The following OC90 variants were observed in gnomAD, a reference collection of about 807,000 sequenced individuals.
OC90 encodes otoconin 90, also known as otoconin-90.
Under a neutral mutation model 47.3 loss-of-function variants are expected in OC90, and 46 were observed. The ratio of observed to expected loss-of-function variants is 0.97; its 90% CI spans 0.77 to 1.24. OC90 has a LOEUF of 1.24. OC90 is among the 50% of genes most tolerant of loss of function. The pLI is 0.00. For synonymous variants in OC90, 271 were observed against 219.5 expected (o/e 1.23, Z -2.07); for missense variants, 688 against 583.9 (o/e 1.18, Z -1.84).
intron 12 of OC90, among the ~76,000 whole-genome samples, chr8:132,030,071 A>G (rs1822852254): frequency 6.6e-6 from 1 of 152,306 alleles, no homozygotes; most frequent in East Asian, 1.9e-4. Context: ...GTATGCTCAC[A>G]TAGCCACTGG....
intron 6 of OC90, 75 bp from the exon 7 acceptor site, chr8:132,039,198 T>C: frequency 2.0e-6 from 3 of 1,493,776 alleles, no homozygotes; most frequent in South Asian, 1.2e-5. Flanking sequence ...GCTCCAAGAC[T>C]GAGTTCCTCA....
intron 8 of OC90, 147 bp from the exon 9 acceptor site, chr8:132,037,635 G>A (rs1203973803): frequency 1.4e-6 from 1 of 695,386 alleles, no homozygotes; most frequent in Non-Finnish European, 2.5e-6. Flanking sequence ...TGTTCATCCT[G>A]TCTTAGGAGT....
intron 11 of OC90, 49 bp downstream of exon 11, chr8:132,032,990 T>C: frequency 6.3e-7 from 1 of 1,587,394 alleles, no homozygotes. Context: ...GTTCACAGCC[T>C]CACCAAAAGA....
chr8:132,039,942 C>G (rs1016114113), intron 6 of OC90, among the ~76,000 whole-genome samples: 1 of 152,124 alleles, frequency 6.6e-6, no homozygotes, highest in Admixed American at 6.5e-5. Context: ...CAGCTCTTGT[C>G]CCTCTCTAAC....
At chr8:132,049,968 G>T (rs551458296) in intron 2 of OC90, 4 of 427,156 alleles carry the variant, frequency 9.4e-6, no homozygotes, top group African/African-American at 8.0e-5. Flanking sequence ...TCACCTCTAC[G>T]TGATTCAAAT....
chr8:132,055,098 G>T (rs915447225), intron 1 of OC90, 25 bp from the exon 2 acceptor site: 2 of 1,263,374 alleles, frequency 1.6e-6, no homozygotes, highest in East Asian at 2.5e-5. Flanking sequence ...AGCAGAATAG[G>T]ATGGAAGCAT....
intron 4 of OC90, among the ~76,000 whole-genome samples, chr8:132,042,415 A>T (rs967609402): frequency 3.3e-5 from 5 of 152,122 alleles, no homozygotes; most frequent in Non-Finnish European, 5.9e-5. Flanking sequence ...TAAAGGGTAC[A>T]CAGGCAGGTT....
At position 132,024,579 on chromosome 8, in the gene OC90, T is replaced by C; in HGVS notation, c.1336A>G (p.Ser446Gly). 1.2e-6 allele frequency: 2 copies of C among 1,613,410 alleles called. No homozygotes were observed. Among genetic ancestry groups the C allele is most frequent in the Non-Finnish European group, 1.7e-6 (2 of 1,179,582 alleles). Residue 446 changes from serine (S) to glycine (G), a missense_variant, in exon 14 of 14, where the codon AGC becomes GGC. By Grantham distance (56) the Ser-to-Gly change is moderately conservative. Transcript: ENST00000254627. ...TCCTCCTGTGGAGGGTCCTCCTCGC[T>C]GTCCTCCTCAGAGCTGGAGCCCAGG... The part of the protein sequence containing the change: ...PTLGSSSEED[S>G]EEDPPQEDLG...
intron 12 of OC90, among the ~76,000 whole-genome samples, chr8:132,031,640 T>A (rs1216951752): frequency 1.3e-5 from 2 of 152,206 alleles, no homozygotes; most frequent in East Asian, 1.9e-4. Flanking sequence ...AAGATGTGGA[T>A]CTTTCTGGCT....
intron 13 of OC90, among the ~76,000 whole-genome samples, chr8:132,028,631 A>AG: frequency 1.7e-5 from 2 of 117,402 alleles, no homozygotes; most frequent in African/African-American, 6.0e-5. Context: ...GGAAGGAAGG[A>AG]AGGAAAGAAA....
intron 12 of OC90, among the ~76,000 whole-genome samples, chr8:132,029,911 T>C (rs1423940153): frequency 1.3e-5 from 2 of 152,228 alleles, no homozygotes; most frequent in Non-Finnish European, 2.9e-5. Flanking sequence ...TTTCCCTTTC[T>C]TTTAATAACT....
intron 6 of OC90, among the ~76,000 whole-genome samples, chr8:132,040,800 T>C (rs1823040469): frequency 6.6e-6 from 1 of 152,222 alleles, no homozygotes; most frequent in Non-Finnish European, 1.5e-5. Context: ...AAGTATAAAA[T>C]TGTAAATCAG....
intron 1 of OC90, among the ~76,000 whole-genome samples, chr8:132,055,652 G>A (rs891055750): frequency 6.6e-6 from 1 of 152,182 alleles, no homozygotes; most frequent in African/African-American, 2.4e-5. Context: ...AGCAAACAAA[G>A]CTTTTCCGGC....
Position 132,024,485 on chromosome 8 carries a change from C to G in OC90, c.1430G>C (p.Arg477Thr). ...TTAGCCATTTTCTCTGGGCATCTAT[C>G]TTCCATGAAGAGGCCCGATCCCCAA... The part of the protein sequence containing the change: ...GPLGIGPLHG[R>T] Residue 477 changes from arginine to threonine, a missense_variant, in exon 14 of 14, where the codon AGA (arginine) becomes ACA (threonine). Physicochemically the swap from Arg to Thr is moderately conservative, Grantham distance 71. Coordinates refer to ENST00000254627, the MANE Select transcript of OC90 (RefSeq NM_001080399.3). 1 of 1,538,626 alleles carries G rather than the reference C, an allele frequency of 6.5e-7. No individual in the cohort carries two copies. Among genetic ancestry groups the G allele is most frequent in the Non-Finnish European group, 8.8e-7 (1 of 1,142,500 alleles).
At chr8:132,055,666 A>C (rs1249991345) in intron 1 of OC90, among the ~76,000 whole-genome samples, 1 of 152,222 alleles carries the variant, frequency 6.6e-6, no homozygotes, top group East Asian at 1.9e-4. Context: ...TTCCGGCAGC[A>C]TCTCCCTCTT....
At chr8:132,038,756 TG>T in intron 8 of OC90, 33 bp downstream of exon 8, 1 of 1,581,074 alleles carries the variant, frequency 6.3e-7, no homozygotes, top group African/African-American at 1.3e-5. Flanking sequence ...TGGGCCCTTG[TG>T]GTTCAAGAGC....
Position 132,028,651 on chromosome 8 carries a change from G to A in OC90, c.1138+422C>T, listed in dbSNP as rs373425809. 1.7e-3 allele frequency among the ~76,000 whole-genome samples: 207 copies of A among 122,148 alleles called. 1 individual carries two copies. Among genetic ancestry groups the A allele is most frequent in the African/African-American group, 2.5e-3 (74 of 29,670 alleles). The allele number at this position is 122,148 out of a possible 152,430, so 80.1% of individuals were successfully genotyped here. ...GAAGGAAGGAAAGAAAGGAAGGAAGGAAGAAAGAAAGAAAGAGAGACAGAA... is the reference window on the plus strand; with the variant it reads ...GAAGGAAGGAAAGAAAGGAAGGAAGAAAGAAAGAAAGAAAGAGAGACAGAA... On this transcript the variant is annotated intron_variant, in intron 13 of 13. Transcript: ENST00000254627.
intron 4 of OC90, 85 bp from the exon 5 acceptor site, chr8:132,041,784 A>G (rs1312654032): frequency 1.1e-5 from 8 of 730,638 alleles, no homozygotes; most frequent in Non-Finnish European, 1.8e-5. Context: ...CCTATACCTC[A>G]GGCTGATGGT....
intron 3 of OC90, among the ~76,000 whole-genome samples, chr8:132,045,439 C>A (rs1350779570): frequency 1.3e-5 from 2 of 152,148 alleles, no homozygotes; most frequent in Non-Finnish European, 2.9e-5. Context: ...TCCTTTTTTA[C>A]AACCAGAGCA....
Sources: gnomAD v4.1 joint callset for allele counts (sites outside exome capture counted in the v4.1 genomes callset) on GRCh38, gnomAD v4.1.1 for gene constraint, MANE v1.5 for transcripts, NCBI Gene and HGNC (gene_info 2026-07-23, HGNC 2026-07-21) for gene names.